ADGRB3: variants seen among roughly 807,000 people sequenced by gnomAD.
ADGRB3 encodes adhesion G protein-coupled receptor B3, also known as brain-specific angiogenesis inhibitor 3.
A neutral mutation model predicts 193.4 loss-of-function variants in ADGRB3; 37 were observed. The ratio of observed to expected loss-of-function variants is 0.19; its 90% CI spans 0.15 to 0.25. The LOEUF (loss-of-function observed/expected upper bound fraction) is 0.25, where lower values mean the gene tolerates loss of function less well. Among genes scored for constraint, ADGRB3 ranks in the 10% least tolerant of loss-of-function variants. The pLI, the probability that ADGRB3 is intolerant of heterozygous loss-of-function variation, is 1.00. For missense variants in ADGRB3, 1,637 were observed against 1,852.9 expected (o/e 0.88, Z 2.14); for synonymous variants, 690 against 644.2 (o/e 1.07, Z -1.08).
chr6:69,180,728 T>C (rs1775558641), intron 17 of ADGRB3, among the ~76,000 whole-genome samples: 1 of 152,164 alleles, frequency 6.6e-6, no homozygotes, highest in South Asian at 2.1e-4. Context: ...AGAGCATAAT[T>C]GTAACACCTA....
chr6:68,719,751 T>C (rs1001647259), intron 3 of ADGRB3, among the ~76,000 whole-genome samples: 1 of 151,708 alleles, frequency 6.6e-6, no homozygotes, highest in Non-Finnish European at 1.5e-5. Flanking sequence ...TTAGTGGTCT[T>C]TCAACATTTC....
At chr6:69,229,178 C>A (rs1160025194) in intron 17 of ADGRB3, among the ~76,000 whole-genome samples, 1 of 152,042 alleles carries the variant, frequency 6.6e-6, no homozygotes, top group Non-Finnish European at 1.5e-5. Context: ...TTTGCAATGT[C>A]TTTTAAAGTA....
At chr6:68,893,054 A>C (rs558429899) in intron 3 of ADGRB3, among the ~76,000 whole-genome samples, 4 of 152,222 alleles carry the variant, frequency 2.6e-5, no homozygotes, top group African/African-American at 9.6e-5. Flanking sequence ...AACATTGGAA[A>C]ATTTTTGCTC....
rs547910783 is a variant in ADGRB3 at position 69,171,269 on chromosome 6, T to A, written c.2481-62021T>A. 3.9e-5 allele frequency among the ~76,000 whole-genome samples: 6 copies of A among 152,336 alleles called. No individual in the cohort carries two copies. In the South Asian group the frequency reaches 1.2e-3, roughly 32 times the overall value. On this transcript the variant is annotated intron_variant, in intron 17 of 31. Transcript: ENST00000370598. Reference sequence around the variant, plus strand: ...ACTTCCATGTTGGCCAGCATAGTTGTTGAATTTGTATGGATTTTAGTTGAT... The same window carrying A: ...ACTTCCATGTTGGCCAGCATAGTTGATGAATTTGTATGGATTTTAGTTGAT...
chr6:68,959,453 T>C (rs953860258), intron 8 of ADGRB3, among the ~76,000 whole-genome samples: 2 of 152,166 alleles, frequency 1.3e-5, no homozygotes, highest in Non-Finnish European at 2.9e-5. Context: ...AACTACTGTT[T>C]ATTTTATACT....
At chr6:69,262,817 T>C (rs1222380520) in intron 20 of ADGRB3, among the ~76,000 whole-genome samples, 1 of 150,798 alleles carries the variant, frequency 6.6e-6, no homozygotes, top group African/African-American at 2.5e-5. Flanking sequence ...TAGGTATGTA[T>C]GTGTCATAAA....
chr6:68,951,991 G>A (rs920569707), intron 6 of ADGRB3, among the ~76,000 whole-genome samples: 12 of 152,104 alleles, frequency 7.9e-5, no homozygotes, highest in Admixed American at 2.6e-4. Context: ...CTAGATGAGT[G>A]TTTATAAAAA....
intron 11 of ADGRB3, among the ~76,000 whole-genome samples, chr6:68,997,334 A>G (rs530306883): frequency 2.2e-4 from 34 of 152,120 alleles, no homozygotes; most frequent in Admixed American, 7.9e-4. Flanking sequence ...AAGGCCTTTA[A>G]TATGGCTGTG....
At chr6:69,306,017 A>C (rs913911497) in intron 20 of ADGRB3, among the ~76,000 whole-genome samples, 1 of 151,498 alleles carries the variant, frequency 6.6e-6, no homozygotes, top group African/African-American at 2.4e-5. Flanking sequence ...TTTAAAGTAC[A>C]TGGAAGGATG....
At chr6:69,384,104 TG>T (rs1435933182) in intron 31 of ADGRB3, among the ~76,000 whole-genome samples, 3 of 152,010 alleles carry the variant, frequency 2.0e-5, no homozygotes, top group Non-Finnish European at 4.4e-5. Context: ...CAATTCCAGT[TG>T]TGATAAGTTA....
chr6:69,145,454 C>T (rs1774463164), intron 17 of ADGRB3, among the ~76,000 whole-genome samples: 2 of 152,140 alleles, frequency 1.3e-5, no homozygotes, highest in South Asian at 4.1e-4. Flanking sequence ...CAGGGAGCTC[C>T]TAGGTCTGGA....
intron 17 of ADGRB3, among the ~76,000 whole-genome samples, chr6:69,217,166 C>T (rs1458467163): frequency 1.3e-5 from 2 of 152,064 alleles, no homozygotes; most frequent in Middle Eastern, 3.2e-3. Flanking sequence ...AGATGTCTCA[C>T]CCAAAAGAGT....
intron 5 of ADGRB3, among the ~76,000 whole-genome samples, chr6:68,939,650 T>C (rs181414794): frequency 1.9e-3 from 282 of 152,334 alleles, no homozygotes; most frequent in African/African-American, 6.5e-3. Flanking sequence ...GTATTTGTTA[T>C]GAAATATTTT....
intron 17 of ADGRB3, among the ~76,000 whole-genome samples, chr6:69,139,313 G>A (rs1322205505): frequency 6.6e-6 from 1 of 152,170 alleles, no homozygotes; most frequent in Non-Finnish European, 1.5e-5. Flanking sequence ...ATAAATGCCT[G>A]TGTGACTCAC....
intron 17 of ADGRB3, among the ~76,000 whole-genome samples, chr6:69,215,589 AC>A (rs1765758674): frequency 6.6e-6 from 1 of 151,940 alleles, no homozygotes; most frequent in Non-Finnish European, 1.5e-5. Flanking sequence ...ACTAAACTCA[AC>A]CTTTTTTGCT....
chr6:68,954,673 C>A (rs1471626868), intron 6 of ADGRB3, among the ~76,000 whole-genome samples: 2 of 149,086 alleles, frequency 1.3e-5, no homozygotes, highest in Non-Finnish European at 3.0e-5. Flanking sequence ...TTATTTAAAT[C>A]GTTCAATGGC....
intron 15 of ADGRB3, among the ~76,000 whole-genome samples, chr6:69,056,408 C>T (rs1582427416): frequency 6.6e-6 from 1 of 151,936 alleles, no homozygotes; most frequent in Admixed American, 6.6e-5. Flanking sequence ...ATATTTTCTC[C>T]CTTTTCATAG....
chr6:69,023,739 G>T (rs2150289644), intron 13 of ADGRB3, among the ~76,000 whole-genome samples: 1 of 152,202 alleles, frequency 6.6e-6, no homozygotes, highest in Non-Finnish European at 1.5e-5. Context: ...AACACAGTGA[G>T]TCCAAATGTA....
In ADGRB3 at chr6:69,050,491, G is replaced by A. The variant is rs530779047; in HGVS notation, c.2333+1145G>A. ...AAGAAAAAAGTTTGAAAACAAAAAAGTCTACTCTCAGCTTTTCCAGTGGTT... is the reference window on the plus strand; with the variant it reads ...AAGAAAAAAGTTTGAAAACAAAAAAATCTACTCTCAGCTTTTCCAGTGGTT... On this transcript the variant is annotated intron_variant, in intron 15 of 31. Transcript: ENST00000370598. Among the ~76,000 whole-genome samples, 13 of 152,254 alleles carry A rather than the reference G, an allele frequency of 8.5e-5. No individual in the cohort carries two copies. The South Asian group carries it at 2.1e-3, about 24-fold the overall frequency.
Sources: gnomAD v4.1 joint callset for allele counts (sites outside exome capture counted in the v4.1 genomes callset) on GRCh38, gnomAD v4.1.1 for gene constraint, MANE v1.5 for transcripts, NCBI Gene and HGNC (gene_info 2026-07-23, HGNC 2026-07-21) for gene names.